PRKG1: variants seen among roughly 807,000 people sequenced by gnomAD.
The protein encoded by PRKG1 is cGMP-dependent protein kinase 1.
Under a neutral mutation model 88.1 loss-of-function variants are expected in PRKG1, and 35 were observed. The observed-to-expected ratio is 0.40, with a 90% CI of 0.30 to 0.53. The LOEUF (loss-of-function observed/expected upper bound fraction) is 0.53, where lower values mean the gene tolerates loss of function less well. Among genes scored for constraint, PRKG1 ranks in the 20% least tolerant of loss-of-function variants. PRKG1 has a pLI of 0.59. For synonymous variants in PRKG1, 303 were observed against 292.5 expected, an observed-to-expected ratio of 1.04 and a Z score of -0.37; for missense variants, 540 against 839.8, an observed-to-expected ratio of 0.64 and a Z score of 4.41.
chr10:51,994,417 T>A lies in PRKG1; in HGVS notation c.763-60067T>A, dbSNP rs181191295. 1.9e-3 allele frequency among the ~76,000 whole-genome samples: 296 copies of A among 152,252 alleles called. 4 individuals are homozygous for A. Among genetic ancestry groups the A allele is most frequent in the Middle Eastern group, 3.4e-3 (1 of 294 alleles). On this transcript the variant is annotated intron_variant, in intron 5 of 17. Transcript: ENST00000373980. Reference sequence around the variant, plus strand: ...TGTTATCTCAAAAATGTAATATGTATCCCTGAAAACTTCCAAAGTAGATAA... The same window carrying A: ...TGTTATCTCAAAAATGTAATATGTAACCCTGAAAACTTCCAAAGTAGATAA...
chr10:52,111,559 G>A (rs562435066), intron 7 of PRKG1, among the ~76,000 whole-genome samples: 1 of 152,298 alleles, frequency 6.6e-6, no homozygotes, highest in Non-Finnish European at 1.5e-5. Context: ...AATTTGGGTT[G>A]TTAGATTATG....
intron 3 of PRKG1, among the ~76,000 whole-genome samples, chr10:51,628,008 C>CTCTTTCTTTCTTTCTTTCTT (rs762442433): frequency 4.0e-5 from 2 of 50,430 alleles, no homozygotes; most frequent in African/African-American, 1.3e-4. Flanking sequence ...CTCTCTCTCT[C>CTCTTTCTTTCTTTCTTTCTT]TCTTTCTTTC....
At chr10:52,033,427 T>C (rs1845521093) in intron 5 of PRKG1, among the ~76,000 whole-genome samples, 1 of 152,220 alleles carries the variant, frequency 6.6e-6, no homozygotes, top group East Asian at 1.9e-4. Flanking sequence ...CACACACATG[T>C]TGCTCCTGCG....
At chr10:51,845,065 A>G (rs1840365176) in intron 4 of PRKG1, among the ~76,000 whole-genome samples, 1 of 152,102 alleles carries the variant, frequency 6.6e-6, no homozygotes, top group Admixed American at 6.6e-5. Context: ...TAGAAATGTA[A>G]ATGTCTGGTT....
At chr10:51,157,529 A>T (rs572380858) in intron 2 of PRKG1, among the ~76,000 whole-genome samples, 1 of 152,028 alleles carries the variant, frequency 6.6e-6, no homozygotes, top group Admixed American at 6.6e-5. Flanking sequence ...TTCAGTCTAC[A>T]TTCATTCAAA....
chr10:51,757,897 G>A (rs7919612), intron 3 of PRKG1, among the ~76,000 whole-genome samples: 61,390 of 151,622 alleles, frequency 0.4, 12,960 homozygotes, highest in Middle Eastern at 0.54. Flanking sequence ...AAAAGTGTCA[G>A]TCTCTTATTT....
intron 4 of PRKG1, among the ~76,000 whole-genome samples, chr10:51,859,210 TG>T (rs1276407001): frequency 4.6e-5 from 7 of 152,226 alleles, no homozygotes; most frequent in Non-Finnish European, 8.8e-5. Flanking sequence ...AGCCCTGAAG[TG>T]GGCTCCCTTC....
chr10:51,128,245 TC>T (rs1845480242), intron 1 of PRKG1, among the ~76,000 whole-genome samples: 6 of 145,524 alleles, frequency 4.1e-5, no homozygotes, highest in African/African-American at 7.5e-5. Flanking sequence ...TATAAATATA[TC>T]AATTCGCTAT....
At chr10:51,281,301 A>G in intron 2 of PRKG1, among the ~76,000 whole-genome samples, 1 of 152,230 alleles carries the variant, frequency 6.6e-6, no homozygotes, top group Middle Eastern at 3.4e-3. Context: ...TTAGGCTACT[A>G]GGGGGTCAGG....
At chr10:52,100,361 A>C (rs1047653857) in intron 7 of PRKG1, among the ~76,000 whole-genome samples, 1 of 152,240 alleles carries the variant, frequency 6.6e-6, no homozygotes, top group African/African-American at 2.4e-5. Flanking sequence ...GTGGAGTTAG[A>C]AGCATGGCCA....
At chr10:51,975,098 A>C (rs1843797546) in intron 5 of PRKG1, among the ~76,000 whole-genome samples, 1 of 152,162 alleles carries the variant, frequency 6.6e-6, no homozygotes, top group African/African-American at 2.4e-5. Flanking sequence ...TGACAGTTAC[A>C]TGCTGAGTGC....
At chr10:51,806,007 G>A (rs1416204823) in intron 4 of PRKG1, among the ~76,000 whole-genome samples, 3 of 152,046 alleles carry the variant, frequency 2.0e-5, no homozygotes. Context: ...TCTATATTGG[G>A]TGAGATATAT....
At chr10:51,907,646 TGAGGA>T in intron 5 of PRKG1, 76 bp downstream of exon 5, 4 of 1,304,122 alleles carry the variant, frequency 3.1e-6, no homozygotes, top group Non-Finnish European at 4.4e-6. Flanking sequence ...AGCTGTGTGA[TGAGGA>T]ATCACAAACT....
rs145398807 is a variant in PRKG1 at position 51,760,542 on chromosome 10, G to A, written c.593-44043G>A. On this transcript the variant is annotated intron_variant, in intron 3 of 17. Transcript: ENST00000373980. Reference sequence around the variant, plus strand: ...GCTGGAGTGCAGTGGCACTATCTCCGCTCACTACAATCTCTGCCTCCCGGG... The same window carrying A: ...GCTGGAGTGCAGTGGCACTATCTCCACTCACTACAATCTCTGCCTCCCGGG... Among the ~76,000 whole-genome samples, 447 of 146,656 alleles carry A rather than the reference G, an allele frequency of 3.0e-3. 3 individuals are homozygous for A. Among genetic ancestry groups the A allele is most frequent in the African/African-American group, 0.011 (419 of 39,894 alleles).
intron 7 of PRKG1, among the ~76,000 whole-genome samples, chr10:52,110,273 A>G (rs2132587488): frequency 6.6e-6 from 1 of 152,130 alleles, no homozygotes; most frequent in Middle Eastern, 3.4e-3. Context: ...GCGTGCTTGC[A>G]GTGAGCGGAG....
intron 2 of PRKG1, among the ~76,000 whole-genome samples, chr10:51,439,413 C>T (rs959964713): frequency 2.0e-5 from 3 of 151,852 alleles, no homozygotes; most frequent in Non-Finnish European, 4.4e-5. Flanking sequence ...CTTTTTACTA[C>T]TACTTAACCA....
intron 7 of PRKG1, among the ~76,000 whole-genome samples, chr10:52,075,992 G>C (rs1462410477): frequency 1.3e-5 from 2 of 151,770 alleles, no homozygotes; most frequent in African/African-American, 4.8e-5. Context: ...AATTTAAAGG[G>C]GATAATTTAT....
intron 4 of PRKG1, among the ~76,000 whole-genome samples, chr10:51,871,048 A>G: frequency 6.6e-6 from 1 of 152,202 alleles, no homozygotes; most frequent in East Asian, 1.9e-4. Context: ...TTACTATACA[A>G]CAACTGGTCT....
intron 2 of PRKG1, among the ~76,000 whole-genome samples, chr10:51,413,806 T>C (rs1384560396): frequency 6.6e-6 from 1 of 152,212 alleles, no homozygotes; most frequent in African/African-American, 2.4e-5. Context: ...AACCCAAGAA[T>C]CAACTTTTGC....
Sources: allele counts gnomAD v4.1 joint callset (sites outside exome capture counted in the v4.1 genomes callset), GRCh38; gene constraint gnomAD v4.1.1; transcripts MANE v1.5; gene names NCBI Gene and HGNC (gene_info 2026-07-23, HGNC 2026-07-21).